TAFA4: variants seen among roughly 807,000 people sequenced by gnomAD.
TAFA4 encodes the protein TAFA chemokine like family member 4, also known as chemokine-like protein TAFA-4.
TAFA4 carries 20 observed loss-of-function variants against 21.1 expected under a neutral mutation model. The observed-to-expected ratio is 0.95, with a 90% CI of 0.67 to 1.38. TAFA4 has a LOEUF of 1.38. Ranked by LOEUF, TAFA4 falls within the 40% of genes most tolerant of loss-of-function variation. The pLI, the probability that TAFA4 is intolerant of heterozygous loss-of-function variation, is 0.00. For missense variants in TAFA4, 211 were observed against 180.9 expected (o/e 1.17, Z -0.95); for synonymous variants, 71 against 67.4 (o/e 1.05, Z -0.26).
intron 1 of TAFA4, among the ~76,000 whole-genome samples, chr3:68,893,648 A>G (rs771842260): frequency 4.9e-4 from 74 of 152,324 alleles, no homozygotes; most frequent in South Asian, 3.1e-3. Flanking sequence ...TACTGTTAAC[A>G]AACAGCTCAT....
At chr3:68,929,698 A>T (rs1405705199) in intron 1 of TAFA4, among the ~76,000 whole-genome samples, 1 of 152,262 alleles carries the variant, frequency 6.6e-6, no homozygotes, top group East Asian at 1.9e-4. Flanking sequence ...CAAGGGGGAA[A>T]ATCTACTTAT....
chr3:68,914,709 G>A (rs982287781), intron 1 of TAFA4, among the ~76,000 whole-genome samples: 2 of 152,122 alleles, frequency 1.3e-5, no homozygotes, highest in African/African-American at 4.8e-5. Context: ...AATTAGTGAC[G>A]TTTGGACTTC....
At chr3:68,803,052 C>A (rs1047616598) in intron 3 of TAFA4, among the ~76,000 whole-genome samples, 1 of 152,150 alleles carries the variant, frequency 6.6e-6, no homozygotes, top group Non-Finnish European at 1.5e-5. Context: ...TAATTCAGTA[C>A]CTGAAATGCC....
At chr3:68,765,127 G>C (rs190125144) in intron 3 of TAFA4, among the ~76,000 whole-genome samples, 8 of 152,140 alleles carry the variant, frequency 5.3e-5, no homozygotes, top group African/African-American at 1.7e-4. Flanking sequence ...ATAAACAAAA[G>C]GACTTGTTTT....
At chr3:68,746,225 A>C (rs1475222665) in intron 4 of TAFA4, among the ~76,000 whole-genome samples, 1 of 152,096 alleles carries the variant, frequency 6.6e-6, no homozygotes, top group Non-Finnish European at 1.5e-5. Flanking sequence ...TTTTGGGTCT[A>C]GGACTGGCTT....
At chr3:68,924,339 AC>A (rs1337538773) in intron 1 of TAFA4, among the ~76,000 whole-genome samples, 3 of 152,240 alleles carry the variant, frequency 2.0e-5, no homozygotes, top group African/African-American at 7.2e-5. Flanking sequence ...ACATGGATGA[AC>A]CTTGAAGACA....
chr3:68,851,091 C>T (rs1411912876), intron 3 of TAFA4, among the ~76,000 whole-genome samples: 1 of 152,070 alleles, frequency 6.6e-6, no homozygotes, highest in African/African-American at 2.4e-5. Flanking sequence ...TGGAATCAAC[C>T]CCAATGTCCA....
intron 3 of TAFA4, among the ~76,000 whole-genome samples, chr3:68,879,145 C>G (rs1489507297): frequency 6.6e-6 from 1 of 152,174 alleles, no homozygotes; most frequent in Non-Finnish European, 1.5e-5. Flanking sequence ...GCCCATGGGA[C>G]AGTGCCAGGA....
intron 4 of TAFA4, among the ~76,000 whole-genome samples, chr3:68,740,330 A>G (rs1049889870): frequency 6.6e-6 from 1 of 152,204 alleles, no homozygotes; most frequent in Non-Finnish European, 1.5e-5. Flanking sequence ...AGGAAAAACT[A>G]AAAGCACTAA....
At chr3:68,805,106 G>A (rs368834167) in intron 3 of TAFA4, among the ~76,000 whole-genome samples, 2,198 of 151,450 alleles carry the variant, frequency 0.015, 49 homozygotes, top group African/African-American at 0.05. Flanking sequence ...CAAATTTACA[G>A]GAAAAAAACA....
chr3:68,736,847 T>A (rs767967027), intron 5 of TAFA4, among the ~76,000 whole-genome samples: 5 of 152,172 alleles, frequency 3.3e-5, no homozygotes, highest in Non-Finnish European at 7.3e-5. Context: ...TTTTATGACT[T>A]CAAGATTATT....
rs1559552327 is a variant in TAFA4, at chr3:68,880,080, A to ACAC, written c.130+649_130+650insGTG. Among the ~76,000 whole-genome samples, 1,009 of 141,782 alleles carry ACAC rather than the reference A, an allele frequency of 7.1e-3. 7 individuals are homozygous for ACAC. Among genetic ancestry groups the ACAC allele is most frequent in the African/African-American group, 0.025 (972 of 38,320 alleles). 93.0% of individuals were successfully genotyped at this position (141,782 alleles called of 152,430 possible). On this transcript the variant is annotated intron_variant, in intron 3 of 5. Coordinates refer to ENST00000295569, the MANE Select transcript of TAFA4 (RefSeq NM_182522.5). ...AAACACACACACACACACACACACA[A>ACAC]ACACACAAACTGATCGGTAGCTGAT...
chr3:68,733,961 TG>T (rs2106718677), intron 5 of TAFA4, among the ~76,000 whole-genome samples: 1 of 151,796 alleles, frequency 6.6e-6, no homozygotes, highest in East Asian at 1.9e-4. Context: ...ACAAAAACCC[TG>T]CCCCCATGGA....
chr3:68,742,528 A>AT (rs771787294), intron 4 of TAFA4, among the ~76,000 whole-genome samples: 5 of 152,068 alleles, frequency 3.3e-5, no homozygotes, highest in Non-Finnish European at 7.4e-5. Flanking sequence ...TCCTTCCTGC[A>AT]TTTTCTAATT....
chr3:68,845,242 T>C (rs1393437110), intron 3 of TAFA4, among the ~76,000 whole-genome samples: 1 of 152,238 alleles, frequency 6.6e-6, no homozygotes, highest in African/African-American at 2.4e-5. Context: ...TCTTGTTGCA[T>C]TGATCCCTTT....
At chr3:68,752,530 G>A (rs573455928) in intron 4 of TAFA4, among the ~76,000 whole-genome samples, 1 of 152,292 alleles carries the variant, frequency 6.6e-6, no homozygotes, top group East Asian at 1.9e-4. Context: ...CTAATTTTGA[G>A]TAGAGAGCAT....
intron 2 of TAFA4, among the ~76,000 whole-genome samples, chr3:68,882,445 G>A (rs988307232): frequency 1.3e-5 from 2 of 152,182 alleles, no homozygotes; most frequent in African/African-American, 4.8e-5. Context: ...ATTTCCACAT[G>A]GGAGTAACAG....
chr3:68,782,346 T>A (rs1703169523), intron 3 of TAFA4, among the ~76,000 whole-genome samples: 1 of 152,154 alleles, frequency 6.6e-6, no homozygotes, highest in Admixed American at 6.5e-5. Flanking sequence ...ACGTAAGTGT[T>A]GGCAAAGATA....
chr3:68,859,176 A>G (rs181834625), intron 3 of TAFA4, among the ~76,000 whole-genome samples: 1 of 152,296 alleles, frequency 6.6e-6, no homozygotes, highest in Non-Finnish European at 1.5e-5. Flanking sequence ...CAAACAAAAC[A>G]TATCTGTGGG....
Sources: allele counts gnomAD v4.1 joint callset (sites outside exome capture counted in the v4.1 genomes callset), GRCh38; gene constraint gnomAD v4.1.1; transcripts MANE v1.5; gene names NCBI Gene and HGNC (gene_info 2026-07-23, HGNC 2026-07-21).